Variants in C4orf50 observed in about 807,000 individuals in gnomAD.
C4orf50 encodes chromosome 4 open reading frame 50.
A neutral mutation model predicts 77.2 loss-of-function variants in C4orf50; 80 were observed. The observed-to-expected ratio is 1.04, with a 90% CI of 0.87 to 1.25. C4orf50 has a LOEUF of 1.25. Ranked by LOEUF, C4orf50 falls within the 50% of genes most tolerant of loss-of-function variation. C4orf50 has a pLI of 0.00. For synonymous variants in C4orf50, 532 were observed against 465.3 expected (o/e 1.14, Z -1.84); for missense variants, 1,257 against 1,152.9 (o/e 1.09, Z -1.31).
chr4:5,939,371 A>G (rs1256587478), intron 7 of C4orf50, among the ~76,000 whole-genome samples: 3 of 152,084 alleles, frequency 2.0e-5, no homozygotes. Context: ...ATCTCTTTCA[A>G]TCTTTTCTCC....
At chr4:5,925,279 GGGGGTGGGCTCTAGT>G (rs1215386195) in intron 7 of C4orf50, among the ~76,000 whole-genome samples, 1 of 152,138 alleles carries the variant, frequency 6.6e-6, no homozygotes, top group Non-Finnish European at 1.5e-5. Flanking sequence ...AGGTGTGGTG[GGGGGTGGGCTCTAGT>G]GGGGAGGGCT....
At chr4:5,941,940 G>A (rs1278929966) in intron 7 of C4orf50, among the ~76,000 whole-genome samples, 1 of 152,036 alleles carries the variant, frequency 6.6e-6, no homozygotes, top group African/African-American at 2.4e-5. Flanking sequence ...GTCTTTCTTG[G>A]GTTTTGGTTT....
intron 25 of C4orf50, among the ~76,000 whole-genome samples, chr4:5,994,882 C>T (rs1054648586): frequency 2.0e-5 from 3 of 152,162 alleles, no homozygotes; most frequent in Non-Finnish European, 4.4e-5. Context: ...TGAGCTCCGC[C>T]TCCTGTCAGG....
rs543208407 is a variant in C4orf50 at position 6,006,869 on chromosome 4, A to G, written c.963+1127T>C. ...CCTGACCTCAAGGAGCTCACAGTCTAAAGAGGGAGAACTGAAGATGCAAGC... is the reference window on the plus strand; with the variant it reads ...CCTGACCTCAAGGAGCTCACAGTCTGAAGAGGGAGAACTGAAGATGCAAGC... On this transcript the variant is annotated intron_variant, in intron 25 of 33. Transcript: ENST00000531445. Among the ~76,000 whole-genome samples, 104 of 152,312 alleles carry G rather than the reference A, an allele frequency of 6.8e-4. 1 individual carries two copies. The highest frequency in any genetic ancestry group is 2.3e-3 in the African/African-American group (94 of 41,556).
At chr4:5,997,492 C>T (rs1721647859) in intron 25 of C4orf50, among the ~76,000 whole-genome samples, 1 of 152,210 alleles carries the variant, frequency 6.6e-6, no homozygotes, top group Non-Finnish European at 1.5e-5. Context: ...CAAGGTCACA[C>T]AGTAAGTCGA....
At chr4:5,947,768 C>G (rs935020871) in intron 7 of C4orf50, among the ~76,000 whole-genome samples, 11 of 152,186 alleles carry the variant, frequency 7.2e-5, no homozygotes, top group Admixed American at 6.5e-4. Flanking sequence ...TGGAAGGAAA[C>G]CCCAGGATAC....
intron 25 of C4orf50, among the ~76,000 whole-genome samples, chr4:5,996,880 C>T (rs1474596529): frequency 3.9e-5 from 6 of 152,252 alleles, no homozygotes; most frequent in Non-Finnish European, 5.9e-5. Context: ...TCTCACGGTC[C>T]CATTCAGCTG....
At chr4:5,953,330 G>C (rs1718810205), downstream of C4orf50, among the ~76,000 whole-genome samples, 1 of 152,168 alleles carries the variant, frequency 6.6e-6, no homozygotes. Flanking sequence ...TAATATTGCG[G>C]CTACAGTTGA....
chr4:5,993,449 G>T (rs1036492106), intron 26 of C4orf50, among the ~76,000 whole-genome samples: 2 of 152,206 alleles, frequency 1.3e-5, no homozygotes, highest in Non-Finnish European at 2.9e-5. Context: ...AACCACAGAT[G>T]CCCAGTTGGC....
At chr4:5,939,532 G>A (rs1040293511) in intron 7 of C4orf50, among the ~76,000 whole-genome samples, 6 of 152,142 alleles carry the variant, frequency 3.9e-5, no homozygotes, top group African/African-American at 9.7e-5. Context: ...GCAGAGCCTC[G>A]ACATTGATCC....
intron 33 of C4orf50, among the ~76,000 whole-genome samples, chr4:5,961,245 G>A (rs1394129803): frequency 6.6e-6 from 1 of 152,224 alleles, no homozygotes; most frequent in Non-Finnish European, 1.5e-5. Context: ...AACCTGGGAG[G>A]CAGAGGTTGC....
chr4:6,008,858 G>A lies in C4orf50; in HGVS notation c.427-326C>T, dbSNP rs1045411949. Among the ~76,000 whole-genome samples the A allele has an allele frequency of 6.6e-6, 1 of 152,074 alleles. No individual in the cohort carries two copies. The highest frequency in any genetic ancestry group is 2.1e-4 in the South Asian group (1 of 4,804). ...ACCCTGAGGGCCGCTGGAGATGTCCGGATACTGAATACGTCCGCACCTGAG... is the reference window on the plus strand; with the variant it reads ...ACCCTGAGGGCCGCTGGAGATGTCCAGATACTGAATACGTCCGCACCTGAG... On this transcript the variant is annotated intron_variant, in intron 24 of 33. Coordinates refer to ENST00000531445, the Ensembl canonical transcript of C4orf50. This position sits in a 1 kb window ranked among gnomAD's most constrained non-coding sequence, Gnocchi z 6.0.
At chr4:5,923,390 T>C (rs1482712850) in intron 7 of C4orf50, 1 of 154,194 alleles carries the variant, frequency 6.5e-6, no homozygotes, top group African/African-American at 2.4e-5. Context: ...GTGCTACTAA[T>C]TGTGTTCATT....
intron 7 of C4orf50, among the ~76,000 whole-genome samples, chr4:5,947,135 T>C (rs1434878728): frequency 6.6e-6 from 1 of 152,176 alleles, no homozygotes; most frequent in African/African-American, 2.4e-5. Flanking sequence ...ATTTTATTCT[T>C]TTTATTATTT....
chr4:5,961,630 G>A (rs1719282575), intron 33 of C4orf50, among the ~76,000 whole-genome samples: 1 of 152,170 alleles, frequency 6.6e-6, no homozygotes, highest in Non-Finnish European at 1.5e-5. Context: ...TTTGAACCCA[G>A]GCCATACGGC....
At chr4:6,012,453 C>T (rs960523013) in intron 23 of C4orf50, among the ~76,000 whole-genome samples, 16 of 152,192 alleles carry the variant, frequency 1.1e-4, no homozygotes, top group African/African-American at 3.9e-4. Context: ...CATTGTCAGC[C>T]TCTGCTCTGC....
At chr4:6,004,327 G>T (rs1349887459) in intron 25 of C4orf50, among the ~76,000 whole-genome samples, 1 of 126,570 alleles carries the variant, frequency 7.9e-6, no homozygotes, top group Non-Finnish European at 1.6e-5. Flanking sequence ...GATCGTAATG[G>T]TGATGATGGT....
At chr4:5,986,134 G>A (rs1451374442) in intron 28 of C4orf50, among the ~76,000 whole-genome samples, 2 of 152,162 alleles carry the variant, frequency 1.3e-5, no homozygotes, top group African/African-American at 4.8e-5. Context: ...AGATAGAAGA[G>A]ATTTTGTTAG....
At chr4:5,918,883 G>T (rs1717145128) in intron 7 of C4orf50, among the ~76,000 whole-genome samples, 1 of 151,910 alleles carries the variant, frequency 6.6e-6, no homozygotes, top group Non-Finnish European at 1.5e-5. Flanking sequence ...GGAGTCTCCT[G>T]GCGGGGGACC....
Sources: gnomAD v4.1 joint callset for allele counts (sites outside exome capture counted in the v4.1 genomes callset) on GRCh38, gnomAD v4.1.1 for gene constraint, Gnocchi (gnomAD v3.1) non-coding constraint, MANE v1.5 for transcripts, NCBI Gene and HGNC (gene_info 2026-07-23, HGNC 2026-07-21) for gene names.